The following EPS15L1 variants were observed in gnomAD, a reference collection of about 807,000 sequenced individuals.
EPS15L1 encodes the protein epidermal growth factor receptor pathway substrate 15 like 1.
In EPS15L1, 43 loss-of-function variants were observed where a neutral mutation model predicts 117.1. The observed-to-expected ratio is 0.37, with a 90% CI of 0.29 to 0.47. The LOEUF (loss-of-function observed/expected upper bound fraction) is 0.47. Ranked by LOEUF, EPS15L1 falls within the 20% of genes least tolerant of loss-of-function variation. EPS15L1 has a pLI of 0.99. For synonymous variants in EPS15L1, 459 were observed against 470.5 expected (o/e 0.98, Z 0.32); for missense variants, 981 against 1,164.0 (o/e 0.84, Z 2.29).
At chr19:16,463,988 G>A (rs777828925) in intron 1 of EPS15L1, among the ~76,000 whole-genome samples, 2 of 152,258 alleles carry the variant, frequency 1.3e-5, no homozygotes, top group Non-Finnish European at 2.9e-5. Flanking sequence ...GGGCCACAGA[G>A]CAGAGGGAAT....
At chr19:16,427,888 C>A (rs901747193) in intron 8 of EPS15L1, among the ~76,000 whole-genome samples, 1 of 147,468 alleles carries the variant, frequency 6.8e-6, no homozygotes, top group Non-Finnish European at 1.5e-5. Flanking sequence ...AGCAAGACTC[C>A]GTGTCAAAAA....
At chr19:16,470,463 G>T (rs546205812) in intron 1 of EPS15L1, among the ~76,000 whole-genome samples, 1 of 152,142 alleles carries the variant, frequency 6.6e-6, no homozygotes, top group East Asian at 1.9e-4. Context: ...GCTTTCTCAT[G>T]AAATGATCTT....
rs1599508309 is a variant in EPS15L1, at chr19:16,355,616, C to T, written c.*89G>A. 1.5e-5 allele frequency: 21 copies of T among 1,414,498 alleles called. No homozygotes were observed. The highest frequency in any genetic ancestry group is 1.9e-5 in the Non-Finnish European group (20 of 1,059,274). 87.6% of individuals were successfully genotyped at this position (1,414,498 alleles called of 1,614,324 possible). ...AGTCCCGGTCCTTGGAGTACGGTGG[C>T]GACGGTGTGTGTGTGTATATATAGA... On this transcript the variant is annotated 3_prime_UTR_variant, in exon 24 of 24. Transcript: ENST00000455140.
rs1056391335 is a variant in EPS15L1, at chr19:16,406,740, C to T, written c.1267-1991G>A. 5.9e-5 allele frequency among the ~76,000 whole-genome samples: 9 copies of T among 152,386 alleles called. No homozygotes were observed. The South Asian group carries it at 1.9e-3, about 32-fold the overall frequency. ...ACCAAAGATGCCAAAATGTGTACAT[C>T]ACATCCTTCATGCACAGAGCAGAGA... On this transcript the variant is annotated intron_variant, in intron 13 of 23. Transcript: ENST00000455140.
chr19:16,360,172 C>T (rs1370667790), intron 23 of EPS15L1, among the ~76,000 whole-genome samples: 4 of 151,630 alleles, frequency 2.6e-5, no homozygotes, highest in Non-Finnish European at 4.4e-5. Context: ...TTCAAGCTGC[C>T]GTTCACCCCA....
intron 17 of EPS15L1, among the ~76,000 whole-genome samples, chr19:16,394,346 T>C (rs1045310815): frequency 7.6e-6 from 1 of 131,054 alleles, no homozygotes; most frequent in Non-Finnish European, 1.8e-5. Flanking sequence ...GCCTGCCAGC[T>C]CCCTGGGTAA....
chr19:16,362,629 T>G (rs920958029), intron 22 of EPS15L1, among the ~76,000 whole-genome samples: 1 of 146,126 alleles, frequency 6.8e-6, no homozygotes, highest in African/African-American at 2.5e-5. Flanking sequence ...GCTCAAGCGA[T>G]CCTCCCACCT....
intron 8 of EPS15L1, 22 bp from the exon 9 acceptor site, chr19:16,425,338 G>T: frequency 6.6e-7 from 1 of 1,516,156 alleles, no homozygotes; most frequent in South Asian, 1.2e-5. Context: ...AACAACAATG[G>T]CACTGAAGGG....
chr19:16,448,225 T>C (rs1318353035), intron 1 of EPS15L1, among the ~76,000 whole-genome samples: 2 of 152,148 alleles, frequency 1.3e-5, no homozygotes, highest in African/African-American at 4.8e-5. Flanking sequence ...AACTTTATGT[T>C]TGCACTGTGA....
chr19:16,375,585 T>G lies in EPS15L1; in HGVS notation c.2380+1537A>C, dbSNP rs1292494978. Among the ~76,000 whole-genome samples the G allele has an allele frequency of 8.5e-5, 13 of 152,250 alleles. No individual in the cohort carries two copies. The East Asian group carries it at 2.3e-3, about 27-fold the overall frequency. On this transcript the variant is annotated intron_variant, in intron 22 of 23. Coordinates refer to ENST00000455140, the MANE Select transcript of EPS15L1 (RefSeq NM_001258374.3). ...GATCCCTGAAGAGCCACTGCCTCTGTGTAAGGCACAGGTGGCCTCTTGCAG... is the reference window on the plus strand; with the variant it reads ...GATCCCTGAAGAGCCACTGCCTCTGGGTAAGGCACAGGTGGCCTCTTGCAG...
chr19:16,373,477 T>G (rs570426744), intron 22 of EPS15L1, among the ~76,000 whole-genome samples: 2 of 148,802 alleles, frequency 1.3e-5, no homozygotes, highest in East Asian at 3.9e-4. Flanking sequence ...TTGGACTTTA[T>G]GCTTAAAAAA....
intron 17 of EPS15L1, 77 bp from the exon 18 acceptor site, chr19:16,394,078 AC>A: frequency 7.7e-7 from 1 of 1,302,348 alleles, no homozygotes; most frequent in Non-Finnish European, 1.1e-6. Flanking sequence ...ACAGCCACCC[AC>A]CTCCCAAGCC....
intron 21 of EPS15L1, among the ~76,000 whole-genome samples, chr19:16,379,783 A>C (rs7251554): frequency 0.91 from 137,880 of 151,810 alleles, 63,127 homozygotes; most frequent in Non-Finnish European, 0.97. Context: ...ACCAGTGCAG[A>C]GGTCTAAGGC....
At chr19:16,451,499 GA>G (rs945943704) in intron 1 of EPS15L1, among the ~76,000 whole-genome samples, 13 of 151,620 alleles carry the variant, frequency 8.6e-5, no homozygotes, top group African/African-American at 2.9e-4. Flanking sequence ...GGTGCATGTT[GA>G]AATACAATTT....
At chr19:16,464,494 T>C (rs1229218588) in intron 1 of EPS15L1, among the ~76,000 whole-genome samples, 1 of 152,146 alleles carries the variant, frequency 6.6e-6, no homozygotes, top group African/African-American at 2.4e-5. Context: ...CACGTCTTAT[T>C]TACCAAAAGA....
In EPS15L1 at chr19:16,393,774, G is replaced by A. The variant is rs541046376; in HGVS notation, c.1966+177C>T. Among the ~76,000 whole-genome samples, 58 of 152,244 alleles carry A rather than the reference G, an allele frequency of 3.8e-4. No individual in the cohort carries two copies. The South Asian group carries it at 3.9e-3, about 10-fold the overall frequency. ...GGGCAGTGACTGGACCTGGGGAGGG[G>A]AGCCACCTCCAGAAGGGAACGGGAC... On this transcript the variant is annotated intron_variant, in intron 18 of 23. Coordinates refer to ENST00000455140, the MANE Select transcript of EPS15L1 (RefSeq NM_001258374.3).
intron 13 of EPS15L1, among the ~76,000 whole-genome samples, chr19:16,412,499 T>A (rs972302833): frequency 2.0e-5 from 3 of 148,720 alleles, no homozygotes; most frequent in Non-Finnish European, 4.5e-5. Context: ...ACTCCATTTT[T>A]AAAAAAAAAG....
chr19:16,362,467 T>C (rs2092069218), intron 22 of EPS15L1, among the ~76,000 whole-genome samples: 1 of 150,994 alleles, frequency 6.6e-6, no homozygotes, highest in African/African-American at 2.4e-5. Flanking sequence ...GGTGTGTTAG[T>C]TATAAGGGTC....
At chr19:16,396,244 G>A (rs996703342) in intron 16 of EPS15L1, among the ~76,000 whole-genome samples, 7 of 152,188 alleles carry the variant, frequency 4.6e-5, no homozygotes, top group African/African-American at 1.4e-4. Context: ...GGGATATAGA[G>A]GAACTATGCA....
Sources: allele counts gnomAD v4.1 joint callset (sites outside exome capture counted in the v4.1 genomes callset), GRCh38; gene constraint gnomAD v4.1.1; transcripts MANE v1.5; gene names NCBI Gene and HGNC (gene_info 2026-07-23, HGNC 2026-07-21).